The following AUTS2 variants were observed in gnomAD, a reference collection of about 807,000 sequenced individuals.
AUTS2 encodes activator of transcription and developmental regulator AUTS2, also known as autism susceptibility gene 2 protein.
In AUTS2, 17 loss-of-function variants were observed where a neutral mutation model predicts 112.4. The observed-to-expected ratio is 0.15, with a 90% CI of 0.10 to 0.23. The LOEUF is 0.23. Among genes scored for constraint, AUTS2 ranks in the 10% least tolerant of loss-of-function variants. The pLI is 1.00. For synonymous variants in AUTS2, 751 were observed against 702.7 expected, an observed-to-expected ratio of 1.07 and a Z score of -1.09; for missense variants, 1,510 against 1,701.6, an observed-to-expected ratio of 0.89 and a Z score of 1.98.
chr7:69,984,410 A>G (rs1199483686), intron 2 of AUTS2, among the ~76,000 whole-genome samples: 1 of 151,268 alleles, frequency 6.6e-6, no homozygotes. Context: ...CTGTCTCAAA[A>G]AAAAAAAAAA....
In AUTS2 at chr7:70,369,504, G is replaced by C. The variant is rs557365325; in HGVS notation, c.661-66248G>C. On this transcript the variant is annotated intron_variant, in intron 4 of 18. Transcript: ENST00000342771. ...TAACCTTGGAGGGTGTCAAAGGAAGGAAAGGAGGGCACCAGAGTGATGGTA... is the reference window on the plus strand; with the variant it reads ...TAACCTTGGAGGGTGTCAAAGGAAGCAAAGGAGGGCACCAGAGTGATGGTA... Among the ~76,000 whole-genome samples the C allele has an allele frequency of 2.0e-5, 3 of 152,290 alleles. No individual in the cohort carries two copies. In the East Asian group the frequency reaches 5.8e-4, roughly 30 times the overall value.
intron 1 of AUTS2, among the ~76,000 whole-genome samples, chr7:69,834,107 G>A (rs543552615): frequency 7.3e-4 from 111 of 152,212 alleles, no homozygotes; most frequent in Non-Finnish European, 1.3e-3. Flanking sequence ...TTAACCTGCT[G>A]CTCTTTCCCC....
At chr7:70,221,560 T>A (rs1811486733) in intron 4 of AUTS2, among the ~76,000 whole-genome samples, 1 of 152,200 alleles carries the variant, frequency 6.6e-6, no homozygotes, top group African/African-American at 2.4e-5. Context: ...TGCTTTAGGT[T>A]AGTTTGCCTG....
chr7:69,769,784 A>G (rs533866964), intron 1 of AUTS2, among the ~76,000 whole-genome samples: 1 of 152,240 alleles, frequency 6.6e-6, no homozygotes, highest in Non-Finnish European at 1.5e-5. Flanking sequence ...GGTGGAAAAG[A>G]TAAAGAAATT....
chr7:69,961,099 A>G (rs1335676265), intron 2 of AUTS2, among the ~76,000 whole-genome samples: 1 of 152,072 alleles, frequency 6.6e-6, no homozygotes, highest in Admixed American at 6.6e-5. Flanking sequence ...CTAACTCCTC[A>G]GTATGTATTG....
chr7:70,474,436 T>G (rs1361560269), intron 5 of AUTS2, among the ~76,000 whole-genome samples: 3 of 152,204 alleles, frequency 2.0e-5, no homozygotes, highest in Non-Finnish European at 4.4e-5. Flanking sequence ...TCTCTTTGTC[T>G]TATAACAGTC....
At chr7:69,725,125 T>C (rs1223013699) in intron 1 of AUTS2, among the ~76,000 whole-genome samples, 1 of 152,156 alleles carries the variant, frequency 6.6e-6, no homozygotes, top group Non-Finnish European at 1.5e-5. Context: ...CCCCATCCTC[T>C]GGCCTGGTTT....
At chr7:70,561,223 G>A (rs1801471706) in intron 5 of AUTS2, among the ~76,000 whole-genome samples, 1 of 152,154 alleles carries the variant, frequency 6.6e-6, no homozygotes, top group Admixed American at 6.5e-5. Context: ...AGTAAGAACT[G>A]AACCCCTCAT....
rs1357886748 is a variant in AUTS2 at position 69,657,994 on chromosome 7, C to T, written c.309+58032C>T. 2.6e-5 allele frequency among the ~76,000 whole-genome samples: 4 copies of T among 152,364 alleles called. No individual in the cohort carries two copies. The East Asian group carries it at 7.7e-4, about 29-fold the overall frequency. ...AGGCCACTACCTGTTTTTATGCGGT[C>T]ATGAGCTAAGAACAGTTTTTGCCTT... is the stretch of plus-strand genomic sequence containing the variant. On this transcript the variant is annotated intron_variant, in intron 1 of 18. Transcript: ENST00000342771.
At chr7:70,486,192 T>C (rs1797991023) in intron 5 of AUTS2, among the ~76,000 whole-genome samples, 1 of 151,988 alleles carries the variant, frequency 6.6e-6, no homozygotes, top group Non-Finnish European at 1.5e-5. Context: ...GAAGGAAAGG[T>C]GCCACCCCAG....
chr7:70,312,010 G>A (rs912601193), intron 4 of AUTS2, among the ~76,000 whole-genome samples: 7 of 152,034 alleles, frequency 4.6e-5, no homozygotes, highest in African/African-American at 1.4e-4. Context: ...CACCGCGCCC[G>A]GCCACACTTG....
Position 69,765,877 on chromosome 7 carries a change from G to A in AUTS2, c.310-133409G>A, listed in dbSNP as rs531492225. Among the ~76,000 whole-genome samples, 15 of 152,278 alleles carry A rather than the reference G, an allele frequency of 9.9e-5. 1 individual carries two copies. In the South Asian group the frequency reaches 3.1e-3, roughly 32 times the overall value. The stretch of plus-strand genomic sequence containing the variant: ...CAGGAGGATCGCTTGAGCCCAGGAG[G>A]ACAAGGCTGCAGTGAGGTGAGATCA... On this transcript the variant is annotated intron_variant, in intron 1 of 18. Transcript: ENST00000342771.
intron 2 of AUTS2, among the ~76,000 whole-genome samples, chr7:69,944,161 A>T (rs1796724616): frequency 6.6e-6 from 1 of 152,314 alleles, no homozygotes; most frequent in Admixed American, 6.5e-5. Flanking sequence ...ACAGCTCTTT[A>T]ACAGATGGCA....
At chr7:70,754,232 T>C (rs976498653) in intron 6 of AUTS2, among the ~76,000 whole-genome samples, 1 of 152,178 alleles carries the variant, frequency 6.6e-6, no homozygotes, top group Non-Finnish European at 1.5e-5. Flanking sequence ...GGCTCACACC[T>C]ATAATCCCAG....
chr7:69,830,269 A>G (rs898505600), intron 1 of AUTS2, among the ~76,000 whole-genome samples: 1 of 152,138 alleles, frequency 6.6e-6, no homozygotes, highest in African/African-American at 2.4e-5. Context: ...CGTCAGAACA[A>G]ATAGCTAATG....
intron 2 of AUTS2, among the ~76,000 whole-genome samples, chr7:69,922,900 G>A (rs1017493673): frequency 2.7e-4 from 41 of 152,202 alleles, no homozygotes; most frequent in Admixed American, 2.2e-3. Context: ...TATACTTATA[G>A]TAAAGGGAAA....
At chr7:69,716,244 CTG>C (rs146299119) in intron 1 of AUTS2, among the ~76,000 whole-genome samples, 80 of 149,434 alleles carry the variant, frequency 5.4e-4, no homozygotes, top group South Asian at 2.5e-3. Flanking sequence ...GTGTGTGTGT[CTG>C]TGTGTGTGTG....
intron 2 of AUTS2, among the ~76,000 whole-genome samples, chr7:70,004,365 AATATATATT>A (rs1396626836): frequency 8.3e-5 from 11 of 131,882 alleles, no homozygotes; most frequent in Non-Finnish European, 1.4e-4. Flanking sequence ...ATTATGTATG[AATATATATT>A]CATATATATA....
At position 69,921,327 on chromosome 7, in the gene AUTS2, GTTTTT is replaced by G. The variant is rs11289784; in HGVS notation, c.522+21850_522+21854del. Among the ~76,000 whole-genome samples the G allele has an allele frequency of 4.0e-3, 360 of 90,410 alleles. 4 individuals carry two copies. The highest frequency in any genetic ancestry group is 0.014 in the African/African-American group (345 of 23,888). 59.3% of individuals were successfully genotyped at this position (90,410 alleles called of 152,430 possible). ...TCTGGTTTTAGTATTTAGACTTGAA[GTTTTT>G]TTTTTTTTTTTTTTTTTTTTAACCG... On this transcript the variant is annotated intron_variant, in intron 2 of 18. Coordinates refer to ENST00000342771, the MANE Select transcript of AUTS2 (RefSeq NM_015570.4).
Sources: allele counts gnomAD v4.1 joint callset (sites outside exome capture counted in the v4.1 genomes callset), GRCh38; gene constraint gnomAD v4.1.1; transcripts MANE v1.5; gene names NCBI Gene and HGNC (gene_info 2026-07-23, HGNC 2026-07-21).